UBR1: variants seen among roughly 807,000 people sequenced by gnomAD.
UBR1 encodes ubiquitin protein ligase E3 component n-recognin 1.
Under a neutral mutation model 242.1 loss-of-function variants are expected in UBR1, and 102 were observed. The observed-to-expected ratio is 0.42, with a 90% CI of 0.36 to 0.50. The LOEUF (loss-of-function observed/expected upper bound fraction) is 0.50, where lower values mean the gene tolerates loss of function less well. Ranked by LOEUF, UBR1 falls within the 20% of genes least tolerant of loss-of-function variation. The probability of loss-of-function intolerance (pLI) is 0.01; values close to 1 mark genes in which losing one functional copy is unlikely to be tolerated. For missense variants in UBR1, 1,772 were observed against 2,101.8 expected (o/e 0.84, Z 3.07); for synonymous variants, 675 against 684.8 (o/e 0.99, Z 0.22).
intron 19 of UBR1, among the ~76,000 whole-genome samples, chr15:43,032,890 C>T (rs1371157082): frequency 1.3e-5 from 2 of 152,196 alleles, no homozygotes; most frequent in Admixed American, 6.5e-5. Context: ...TAAATAAGCA[C>T]ACATGCTAAT....
chr15:43,047,487 G>A (rs2033500484), intron 13 of UBR1, among the ~76,000 whole-genome samples, 198 bp from the exon 14 acceptor site: 1 of 152,192 alleles, frequency 6.6e-6, no homozygotes, highest in Non-Finnish European at 1.5e-5. Context: ...GCTCTGTCTG[G>A]TATTTCTAGC....
intron 44 of UBR1, among the ~76,000 whole-genome samples, chr15:42,955,963 A>G (rs1404720662): frequency 6.6e-6 from 1 of 152,212 alleles, no homozygotes; most frequent in Non-Finnish European, 1.5e-5. Context: ...TGTTTTCACC[A>G]GTCTTTGTTA....
At chr15:43,006,080 T>A (rs1596097044) in intron 30 of UBR1, among the ~76,000 whole-genome samples, 2 of 96,590 alleles carry the variant, frequency 2.1e-5, no homozygotes, top group African/African-American at 4.0e-5. Flanking sequence ...CCAAGAATGA[T>A]CAATAAATAC....
chr15:43,030,000 A>G lies in UBR1; in HGVS notation c.2323T>C (p.Leu775=), dbSNP rs751705653. ...EEVTMREIIH[L]LCIEPMPHSA... ...TGTGGCATGGGTTCAATGCAAAGCA[A>G]GTGAATGATTTCTCTCATTGTGACC... The change falls in exon 21 of 47, where the codon TTG becomes CTG. Residue 775 remains leucine (L), a synonymous_variant. Coordinates refer to ENST00000290650, the MANE Select transcript of UBR1 (RefSeq NM_174916.3). 139 of 1,614,032 alleles carry G rather than the reference A, an allele frequency of 8.6e-5. 2 individuals carry two copies. In the South Asian group the frequency reaches 1.5e-3, roughly 17 times the overall value.
chr15:42,997,459 A>T (rs1464916458), intron 33 of UBR1, among the ~76,000 whole-genome samples: 1 of 152,228 alleles, frequency 6.6e-6, no homozygotes, highest in East Asian at 1.9e-4. Context: ...GTCTTCCATA[A>T]AACCGGTCCT....
At chr15:43,029,907 T>C (rs1356242626) in intron 21 of UBR1, 37 bp downstream of exon 21, 6 of 1,612,218 alleles carry the variant, frequency 3.7e-6, no homozygotes, top group Admixed American at 1.7e-5. Flanking sequence ...CTACCCCATC[T>C]TGAGGTACAT....
chr15:43,056,431 T>C lies in UBR1; in HGVS notation c.1194A>G (p.Gln398=), dbSNP rs143184602. The change falls in exon 11 of 47, where the codon CAA becomes CAG. Residue 398 remains glutamine, a synonymous_variant. Transcript: ENST00000290650. ...FAMEFVKYYK[Q]LQKEYISDDH... is the part of the protein sequence containing the mutation. The stretch of plus-strand genomic sequence containing the variant: ...CATCACTGATATATTCTTTCTGCAG[T>C]TGTTTATAATACTGAAATATATAAG... 167 of 1,601,972 alleles carry C rather than the reference T, an allele frequency of 1.0e-4. 1 individual carries two copies. Among genetic ancestry groups the C allele is most frequent in the Non-Finnish European group, 1.3e-4 (156 of 1,169,166 alleles).
Position 43,013,961 on chromosome 15 carries a change from C to T in UBR1, c.3209+1727G>A, listed in dbSNP as rs574205911. 6.6e-5 allele frequency among the ~76,000 whole-genome samples: 10 copies of T among 152,108 alleles called. No homozygotes were observed. In the East Asian group the frequency reaches 1.4e-3, roughly 21 times the overall value. On this transcript the variant is annotated intron_variant, in intron 29 of 46. Transcript: ENST00000290650. ...AAGCTGGACTGTACTGCTGCCATCT[C>T]GGCTCACTGCAACCTCCCCGCCTGA...
intron 1 of UBR1, among the ~76,000 whole-genome samples, chr15:43,103,966 T>C (rs185737226): frequency 1.1e-4 from 16 of 152,310 alleles, no homozygotes; most frequent in Non-Finnish European, 4.4e-5. Context: ...CTGTAGGGTC[T>C]TCAGTAGACA....
At chr15:43,056,202 T>G in intron 11 of UBR1, 142 bp downstream of exon 11, 1 of 687,938 alleles carries the variant, frequency 1.5e-6, no homozygotes, top group Non-Finnish European at 2.6e-6. Flanking sequence ...AGTTAACTAG[T>G]CCTTGGGTAG....
chr15:43,105,852 C>T, intron 1 of UBR1, 90 bp downstream of exon 1: 2 of 1,293,554 alleles, frequency 1.5e-6, no homozygotes, highest in Non-Finnish European at 2.2e-6. Flanking sequence ...CTCCCCAGAG[C>T]CGCCATAAGG....
At chr15:42,975,861 G>A (rs955080898) in intron 39 of UBR1, among the ~76,000 whole-genome samples, 3 of 151,954 alleles carry the variant, frequency 2.0e-5, no homozygotes, top group Non-Finnish European at 2.9e-5. Flanking sequence ...CTACAGGCAC[G>A]CAGCAGCATG....
At chr15:43,023,720 A>G (rs1428599794) in intron 25 of UBR1, among the ~76,000 whole-genome samples, 1 of 151,952 alleles carries the variant, frequency 6.6e-6, no homozygotes, top group Admixed American at 6.6e-5. Flanking sequence ...AGTAAAATAT[A>G]GAGCTGGCAT....
rs1378051566 is a variant in UBR1, at chr15:43,007,122, A to T, written c.3372T>A (p.Thr1124=). The T allele has an allele frequency of 6.2e-7, 1 of 1,614,154 alleles. No individual in the cohort carries two copies. The highest frequency in any genetic ancestry group is 8.5e-7 in the Non-Finnish European group (1 of 1,180,026). Residue 1124 remains threonine (T), a synonymous_variant, in exon 30 of 47, where the codon ACT becomes ACA. Coordinates refer to ENST00000290650, the MANE Select transcript of UBR1 (RefSeq NM_174916.3). ...GTTTTCCCCTGTGCTGGGTTAAGGC[A>T]GTAGATTTCTGGACACAGGCCGATA... ...MVLSACVQKS[T]ALTQHRGKPI...
At chr15:43,011,721 A>T (rs1361641811) in intron 29 of UBR1, among the ~76,000 whole-genome samples, 1 of 152,230 alleles carries the variant, frequency 6.6e-6, no homozygotes, top group Non-Finnish European at 1.5e-5. Flanking sequence ...TAATGTGGCC[A>T]CATCTATAAA....
At chr15:42,987,297 C>T (rs753198913) in intron 35 of UBR1, among the ~76,000 whole-genome samples, 4 of 152,194 alleles carry the variant, frequency 2.6e-5, no homozygotes, top group Non-Finnish European at 4.4e-5. Context: ...TCTGAGGGCA[C>T]CGGTAGGGGG....
At chr15:43,022,666 A>G (rs1007564296) in intron 26 of UBR1, 36 bp downstream of exon 26, 12 of 1,445,928 alleles carry the variant, frequency 8.3e-6, no homozygotes, top group Non-Finnish European at 1.2e-5. Context: ...TAGACTTTCA[A>G]TGACAAATGT....
chr15:43,028,687 G>A (rs1026914116), intron 21 of UBR1, among the ~76,000 whole-genome samples: 24 of 150,618 alleles, frequency 1.6e-4, no homozygotes, highest in Admixed American at 7.3e-4. Flanking sequence ...GGAGGTTACC[G>A]TTAGCCAAGA....
chr15:43,004,780 C>T (rs1456763263), intron 30 of UBR1, among the ~76,000 whole-genome samples: 3 of 152,224 alleles, frequency 2.0e-5, no homozygotes, highest in Non-Finnish European at 4.4e-5. Context: ...GCCGAGATTG[C>T]AGCCTCTGCC....
Sources: gnomAD v4.1 joint callset for allele counts (sites outside exome capture counted in the v4.1 genomes callset) on GRCh38, gnomAD v4.1.1 for gene constraint, MANE v1.5 for transcripts, NCBI Gene and HGNC (gene_info 2026-07-23, HGNC 2026-07-21) for gene names.